RGL1: variants seen among roughly 807,000 people sequenced by gnomAD.
RGL1 encodes the protein ral guanine nucleotide dissociation stimulator-like 1.
RGL1 carries 24 observed loss-of-function variants against 95.2 expected under a neutral mutation model. That is an observed-to-expected ratio of 0.25 (90% CI 0.18 to 0.35). The LOEUF (loss-of-function observed/expected upper bound fraction) is 0.35, where lower values mean the gene tolerates loss of function less well. Ranked by LOEUF, RGL1 falls within the 10% of genes least tolerant of loss-of-function variation. The pLI, the probability that RGL1 is intolerant of heterozygous loss-of-function variation, is 1.00. For synonymous variants in RGL1, 329 were observed against 344.9 expected (o/e 0.95, Z 0.51); for missense variants, 715 against 936.3 (o/e 0.76, Z 3.08).
chr1:183,677,814 G>A (rs1386617779), intron 1 of RGL1, among the ~76,000 whole-genome samples: 4 of 152,196 alleles, frequency 2.6e-5, no homozygotes, highest in Non-Finnish European at 4.4e-5. Context: ...GGTGAGGGAA[G>A]CAAGGTTGTC....
chr1:183,834,293 C>T (rs1383302748), intron 2 of RGL1, among the ~76,000 whole-genome samples: 11 of 152,006 alleles, frequency 7.2e-5, no homozygotes, highest in Admixed American at 7.2e-4. Context: ...AGCTCACTAC[C>T]GAGATAGCTA....
At chr1:183,656,123 T>TTTTTTTC (rs397958144) in intron 1 of RGL1, among the ~76,000 whole-genome samples, 2 of 151,696 alleles carry the variant, frequency 1.3e-5, no homozygotes, top group Non-Finnish European at 2.9e-5. Context: ...CTTTTTTTTT[T>TTTTTTTC]CTCATGAAAA....
chr1:183,878,150 T>TTCTTTCTATCTA (rs1397215504), intron 4 of RGL1, among the ~76,000 whole-genome samples: 1 of 111,552 alleles, frequency 9.0e-6, no homozygotes, highest in Non-Finnish European at 2.0e-5. Flanking sequence ...TTGATTTTCT[T>TTCTTTCTATCTA]TCTATCTATC....
chr1:183,706,993 G>A (rs2102160200), intron 1 of RGL1, among the ~76,000 whole-genome samples: 1 of 152,260 alleles, frequency 6.6e-6, no homozygotes, highest in South Asian at 2.1e-4. Context: ...AGACAGAAAA[G>A]GGCTGGGTTT....
intron 1 of RGL1, among the ~76,000 whole-genome samples, chr1:183,715,176 C>T (rs919190266): frequency 1.6e-4 from 24 of 152,166 alleles, no homozygotes; most frequent in African/African-American, 5.3e-4. Flanking sequence ...GCCCAGTTTC[C>T]CTCTCTGAGC....
At chr1:183,888,703 AG>A (rs754935975) in intron 8 of RGL1, 126 bp downstream of exon 8, 1 of 640,016 alleles carries the variant, frequency 1.6e-6, no homozygotes, top group Non-Finnish European at 2.8e-6. Context: ...TGTGTGTTTC[AG>A]GCAGGGTGCA....
intron 1 of RGL1, among the ~76,000 whole-genome samples, chr1:183,657,888 C>G (rs1330086193): frequency 1.3e-5 from 2 of 152,164 alleles, no homozygotes; most frequent in African/African-American, 4.8e-5. Flanking sequence ...AATCGTTGAA[C>G]TAGTTCACAG....
chr1:183,805,407 C>A, intron 1 of RGL1, 83 bp downstream of exon 1: 2 of 1,245,714 alleles, frequency 1.6e-6, no homozygotes, highest in African/African-American at 1.5e-5. Context: ...TTTGGACTCC[C>A]TCGGAGTGAA....
At chr1:183,670,108 G>C (rs1490560520) in intron 1 of RGL1, among the ~76,000 whole-genome samples, 1 of 152,116 alleles carries the variant, frequency 6.6e-6, no homozygotes, top group African/African-American at 2.4e-5. Context: ...CCCCTGAATT[G>C]TGAACTTCAT....
At chr1:183,779,213 TTCC>T (rs1558202412) in intron 2 of RGL1, among the ~76,000 whole-genome samples, 1 of 134,468 alleles carries the variant, frequency 7.4e-6, no homozygotes, top group Non-Finnish European at 1.6e-5. Context: ...CCTTCCTTCC[TTCC>T]TTCCTTCCTT....
intron 2 of RGL1, among the ~76,000 whole-genome samples, chr1:183,841,815 T>C (rs1007112956): frequency 1.3e-5 from 2 of 152,200 alleles, no homozygotes; most frequent in African/African-American, 4.8e-5. Flanking sequence ...TTGTGGGTTT[T>C]CCTATACAGG....
intron 14 of RGL1, among the ~76,000 whole-genome samples, chr1:183,908,182 G>T (rs1225575531): frequency 6.6e-6 from 1 of 152,100 alleles, no homozygotes; most frequent in East Asian, 1.9e-4. Flanking sequence ...TCAGGATTCT[G>T]ACTGTCTTTA....
chr1:183,699,520 T>A (rs1654458245), intron 1 of RGL1, among the ~76,000 whole-genome samples: 1 of 152,206 alleles, frequency 6.6e-6, no homozygotes, highest in Non-Finnish European at 1.5e-5. Context: ...TTTCATATTA[T>A]CCTATTGTCT....
At chr1:183,782,368 G>A (rs552931812) in intron 2 of RGL1, among the ~76,000 whole-genome samples, 27 of 152,312 alleles carry the variant, frequency 1.8e-4, no homozygotes, top group Middle Eastern at 3.4e-3. Context: ...AACTCAGTGC[G>A]TTCATCAGGG....
At chr1:183,873,891 C>T (rs1431889585) in intron 4 of RGL1, among the ~76,000 whole-genome samples, 1 of 152,202 alleles carries the variant, frequency 6.6e-6, no homozygotes, top group African/African-American at 2.4e-5. Context: ...GGAGAACCTG[C>T]TTCCTGTTCC....
At chr1:183,701,635 T>C (rs1654600360) in intron 1 of RGL1, among the ~76,000 whole-genome samples, 1 of 152,162 alleles carries the variant, frequency 6.6e-6, no homozygotes, top group South Asian at 2.1e-4. Flanking sequence ...TCCATTTTTC[T>C]TTTTTAAAAT....
intron 16 of RGL1, among the ~76,000 whole-genome samples, chr1:183,921,389 C>T (rs1258245671): frequency 3.3e-5 from 5 of 152,196 alleles, no homozygotes; most frequent in African/African-American, 1.2e-4. Context: ...TTCCCTGTGC[C>T]CTTTCCAATC....
chr1:183,724,318 G>C lies in RGL1; in HGVS notation c.-32-17808G>C, dbSNP rs965201647. Among the ~76,000 whole-genome samples the C allele has an allele frequency of 6.6e-6, 1 of 152,174 alleles. No homozygotes were observed. The highest frequency in any genetic ancestry group is 2.4e-5 in the African/African-American group (1 of 41,436). On this transcript the variant is annotated intron_variant, in intron 1 of 18. Coordinates refer to the RGL1 transcript ENST00000304685. The surrounding 1 kb of genome is among the most constrained non-coding windows in gnomAD (Gnocchi z 4.1). The stretch of plus-strand genomic sequence containing the variant: ...AAAGGAGACTTCATCTTGCAGCTTA[G>C]GTACCAGCTCAGCCACAGCAGGGTA...
At position 183,926,367 on chromosome 1, in the gene RGL1, C is replaced by CCG; in HGVS notation, c.*76_*77insGC. On this transcript the variant is annotated 3_prime_UTR_variant, in exon 18 of 18. Coordinates refer to ENST00000360851, the MANE Select transcript of RGL1 (RefSeq NM_001297671.3). ...AAACAGGCTGCGGTGATTGCAATTA[C>CCG]CATCCGGTGTTCGAGGATCATTGGT... 1 of 1,275,812 alleles carries CCG rather than the reference C, an allele frequency of 7.8e-7. No individual in the cohort carries two copies. The highest frequency in any genetic ancestry group is 1.1e-6 in the Non-Finnish European group (1 of 921,842). 79.0% of individuals were successfully genotyped at this position (1,275,812 alleles called of 1,614,324 possible).
Sources: gnomAD v4.1 joint callset for allele counts (sites outside exome capture counted in the v4.1 genomes callset) on GRCh38, gnomAD v4.1.1 for gene constraint, Gnocchi (gnomAD v3.1) non-coding constraint, MANE v1.5 for transcripts, NCBI Gene and HGNC (gene_info 2026-07-23, HGNC 2026-07-21) for gene names.